Variants in PMS2 observed in about 807,000 individuals in gnomAD.
PMS2 encodes the protein PMS1 homolog 2, mismatch repair system component.
A neutral mutation model predicts 90.0 loss-of-function variants in PMS2; 69 were observed. That is an observed-to-expected ratio of 0.77 (90% CI 0.63 to 0.94). The LOEUF (loss-of-function observed/expected upper bound fraction) is 0.94. Ranked by LOEUF, PMS2 falls within the 40% of genes least tolerant of loss-of-function variation. The pLI is 0.00. For missense variants in PMS2, 966 were observed against 1,040.2 expected (o/e 0.93, Z 0.98); for synonymous variants, 332 against 375.1 (o/e 0.89, Z 1.33).
At chr7:5,982,778 C>G (rs2128701677) in intron 12 of PMS2, 46 bp downstream of exon 12, 1 of 1,610,596 alleles carries the variant, frequency 6.2e-7, no homozygotes, top group Non-Finnish European at 8.5e-7. Context: ...TCTATTAGAT[C>G]TTCAATTTGA....
intron 4 of PMS2, chr7:6,003,292 T>TG (rs1785310760): frequency 8.4e-6 from 1 of 119,618 alleles, no homozygotes; most frequent in Non-Finnish European, 1.7e-5. Flanking sequence ...AGACTCTGTC[T>TG]AAAAAAAAAA....
chr7:6,003,881 C>G (rs1785399959), intron 3 of PMS2, 89 bp from the exon 4 acceptor site: 1 of 1,276,082 alleles, frequency 7.8e-7, no homozygotes, highest in Non-Finnish European at 1.1e-6. Flanking sequence ...CTTTAAAAAA[C>G]TGTTTTTGCA....
chr7:6,002,898 A>G (rs1785262602), intron 4 of PMS2, among the ~76,000 whole-genome samples: 1 of 152,246 alleles, frequency 6.6e-6, no homozygotes, highest in Admixed American at 6.5e-5. Flanking sequence ...CTGCAAAACC[A>G]TAAATGATCT....
At chr7:5,986,682 A>C in intron 11 of PMS2, 77 bp downstream of exon 11, 1 of 1,151,338 alleles carries the variant, frequency 8.7e-7, no homozygotes, top group Non-Finnish European at 1.2e-6. Flanking sequence ...ACAGAGCAAG[A>C]CTCTGTCTCA....
chr7:5,990,298 G>C (rs1422276677), intron 9 of PMS2, among the ~76,000 whole-genome samples: 1 of 152,176 alleles, frequency 6.6e-6, no homozygotes, highest in Non-Finnish European at 1.5e-5. Context: ...GTGAGCCACC[G>C]CGCCCAGCCA....
chr7:5,997,491 T>C, intron 6 of PMS2, 68 bp from the exon 7 acceptor site: 1 of 909,704 alleles, frequency 1.1e-6, no homozygotes, highest in South Asian at 1.5e-5. Context: ...ATCTGTTTTC[T>C]TTCTTAGTCA....
Position 5,978,588 on chromosome 7 carries a change from T to A in PMS2, c.2275+8A>T. 1.3e-6 allele frequency: 2 copies of A among 1,596,368 alleles called. No individual in the cohort carries two copies. The highest frequency in any genetic ancestry group is 1.7e-6 in the Non-Finnish European group (2 of 1,167,870). On this transcript the variant is annotated splice_region_variant and intron_variant, in intron 13 of 14. Transcript: ENST00000265849. The stretch of plus-strand genomic sequence containing the variant: ...ACCCAGCCGCTATAGTTCTAATTAA[T>A]AACTTACCATTTTCATCGATAACAA...
chr7:5,997,251 G>T, intron 7 of PMS2, 75 bp downstream of exon 7: 3 of 758,420 alleles, frequency 4.0e-6, no homozygotes, highest in South Asian at 1.6e-5. Context: ...ATTAGCCTTA[G>T]AATCACTATC....
At chr7:6,000,145 C>T (rs559050257) in intron 5 of PMS2, among the ~76,000 whole-genome samples, 16 of 151,744 alleles carry the variant, frequency 1.1e-4, no homozygotes, top group Admixed American at 7.9e-4. Flanking sequence ...GAGGCTGAGG[C>T]GGGAGGATCA....
intron 4 of PMS2, among the ~76,000 whole-genome samples, 162 bp from the exon 5 acceptor site, chr7:6,002,798 C>A (rs35628425): frequency 4.6e-5 from 7 of 152,128 alleles, no homozygotes; most frequent in Non-Finnish European, 1.0e-4. Flanking sequence ...ATCATAAAAT[C>A]TAAGGTTTGG....
chr7:5,994,542 G>C (rs531673735), intron 8 of PMS2, among the ~76,000 whole-genome samples: 83 of 152,184 alleles, frequency 5.5e-4, no homozygotes, highest in African/African-American at 1.8e-3. Context: ...GGGAGGCCGA[G>C]GTGGGCGGAT....
rs370196722 is a variant in PMS2 at position 5,982,890 on chromosome 7, G to A, written c.2108C>T (p.Thr703Met). 72 of 1,603,202 alleles carry A rather than the reference G, an allele frequency of 4.5e-5. No homozygotes were observed. In the African/African-American group the frequency reaches 6.2e-4, roughly 14 times the overall value. ...CATCTCGAAGTTATACTTCTCGTCC[G>A]TGGCATGCTGGTCCACTATGAAGAT... is the stretch of plus-strand genomic sequence containing the variant. The part of the protein sequence containing the change: ...EDIFIVDQHA[T>M]DEKYNFEMLQ... Residue 703 changes from threonine to methionine, a missense_variant, in exon 12 of 15, where the codon ACG becomes ATG. Coordinates refer to ENST00000265849, the MANE Select transcript of PMS2 (RefSeq NM_000535.7).
At chr7:5,993,862 C>CAAAAAAAAA (rs61677497) in intron 8 of PMS2, among the ~76,000 whole-genome samples, 2 of 38,936 alleles carry the variant, frequency 5.1e-5, no homozygotes, top group Admixed American at 4.7e-4. Context: ...GACTCTGTCT[C>CAAAAAAAAA]AAAAAAAAAA....
chr7:6,002,239 T>C (rs1785163547), intron 5 of PMS2: 1 of 502,128 alleles, frequency 2.0e-6, no homozygotes, highest in African/African-American at 1.9e-5. Flanking sequence ...CTCACTGTGT[T>C]GCCCAGTCCT....
Position 5,972,775 on chromosome 7 carries a change from A to C in PMS2, c.*624T>G, listed in dbSNP as rs1781413876. On this transcript the variant is annotated 3_prime_UTR_variant, in exon 15 of 15. Transcript: ENST00000265849. ...ATTAAGGGTTGAAAGTTATAGACTA[A>C]ACTATGTCCAGCCAGAGCAGAGGCC... is the stretch of plus-strand genomic sequence containing the variant. Among the ~76,000 whole-genome samples, 1 of 98,568 alleles carries C rather than the reference A, an allele frequency of 1.0e-5. No homozygotes were observed. The highest frequency in any genetic ancestry group is 9.7e-5 in the Admixed American group (1 of 10,334). 64.7% of individuals were successfully genotyped at this position (98,568 alleles called of 152,430 possible).
In PMS2 at chr7:5,975,536, C is replaced by CT. The variant is rs1174599287; in HGVS notation, c.2446-1995dup. Among the ~76,000 whole-genome samples the CT allele has an allele frequency of 4.9e-3, 180 of 36,606 alleles. 1 individual carries two copies. Among genetic ancestry groups the CT allele is most frequent in the African/African-American group, 8.2e-3 (70 of 8,554 alleles). 24.0% of individuals were successfully genotyped at this position (36,606 alleles called of 152,430 possible). The stretch of plus-strand genomic sequence containing the variant: ...CTTACCCAAGAGGGCTCCATTCTAC[C>CT]TTTTTTTTTTTTTTTTTTGAGACAA... On this transcript the variant is annotated intron_variant, in intron 14 of 14. Transcript: ENST00000265849.
chr7:6,000,806 C>A (rs1392213508), intron 5 of PMS2, among the ~76,000 whole-genome samples: 3 of 152,054 alleles, frequency 2.0e-5, no homozygotes, highest in African/African-American at 7.2e-5. Context: ...GGCTAGCCAA[C>A]ATGGTGAAAC....
intron 5 of PMS2, chr7:6,002,167 C>G: frequency 2.8e-6 from 1 of 352,678 alleles, no homozygotes; most frequent in Non-Finnish European, 5.4e-6. Context: ...GTAGCTGGAA[C>G]TACAGGTACA....
chr7:5,999,316 A>G, intron 5 of PMS2, 41 bp from the exon 6 acceptor site: 1 of 1,555,558 alleles, frequency 6.4e-7, no homozygotes, highest in Non-Finnish European at 8.9e-7. Flanking sequence ...CATTACTTTA[A>G]TATTATAGGA....
Sources: gnomAD v4.1 joint callset for allele counts (sites outside exome capture counted in the v4.1 genomes callset) on GRCh38, gnomAD v4.1.1 for gene constraint, MANE v1.5 for transcripts, NCBI Gene and HGNC (gene_info 2026-07-23, HGNC 2026-07-21) for gene names.